Variants in NCKAP5 observed in about 807,000 individuals in gnomAD.
The protein encoded by NCKAP5 is NCK associated protein 5, also known as nck-associated protein 5.
Under a neutral mutation model 167.0 loss-of-function variants are expected in NCKAP5, and 92 were observed. That is an observed-to-expected ratio of 0.55 (90% confidence interval 0.47 to 0.66). The LOEUF (loss-of-function observed/expected upper bound fraction) is 0.66. NCKAP5 is among the 30% of genes least tolerant of loss of function. NCKAP5 has a pLI of 0.00. For synonymous variants in NCKAP5, 891 were observed against 877.4 expected (o/e 1.02, Z -0.27); for missense variants, 2,378 against 2,315.0 (o/e 1.03, Z -0.56).
intron 3 of NCKAP5, among the ~76,000 whole-genome samples, chr2:133,362,257 G>C (rs552114873): frequency 3.9e-5 from 6 of 152,150 alleles, no homozygotes; most frequent in Non-Finnish European, 7.3e-5. Flanking sequence ...AAAAGAAGAG[G>C]AAAACATGAA....
At chr2:132,861,853 G>C (rs977028602) in intron 10 of NCKAP5, among the ~76,000 whole-genome samples, 1 of 152,148 alleles carries the variant, frequency 6.6e-6, no homozygotes, top group African/African-American at 2.4e-5. Context: ...CACCAGACAA[G>C]CTCAAGAAGA....
In NCKAP5 at chr2:132,858,472, G is replaced by C. The variant is rs374916349; in HGVS notation, c.807+2020C>G. On this transcript the variant is annotated intron_variant, in intron 11 of 19. Coordinates refer to ENST00000409261, the MANE Select transcript of NCKAP5 (RefSeq NM_207363.3). ...GGAATGATTGTATTTTAGCTCCACT[G>C]TATATATTTTGTTTCTCAAACCCTA... Among the ~76,000 whole-genome samples the C allele has an allele frequency of 3.8e-4, 58 of 152,308 alleles. No individual in the cohort carries two copies. In the East Asian group the frequency reaches 5.2e-3, roughly 14 times the overall value.
the NCKAP5 span, among the ~76,000 whole-genome samples, chr2:133,611,921 T>A: frequency 1.3e-5 from 2 of 152,210 alleles, no homozygotes; most frequent in East Asian, 3.8e-4. Context: ...AATATGGATG[T>A]ACTTTGGACC....
At position 133,524,774 on chromosome 2, in the gene NCKAP5, C is replaced by T. The variant is rs558657042; in HGVS notation, c.-61-7187G>A. 3.3e-5 allele frequency among the ~76,000 whole-genome samples: 5 copies of T among 152,312 alleles called. No individual in the cohort carries two copies. In the South Asian group the frequency reaches 8.3e-4, roughly 25 times the overall value. On this transcript the variant is annotated intron_variant, in intron 2 of 19. Coordinates refer to ENST00000409261, the MANE Select transcript of NCKAP5 (RefSeq NM_207363.3). ...ACTGGCTTTCTGTATGCTTTAAACA[C>T]GTACCTACAGCAGTCTCATTTTGGA...
At chr2:132,854,190 C>T (rs1020076676) in intron 11 of NCKAP5, among the ~76,000 whole-genome samples, 1 of 152,202 alleles carries the variant, frequency 6.6e-6, no homozygotes, top group Non-Finnish European at 1.5e-5. Context: ...TTATAACAGA[C>T]CACATACACC....
At chr2:132,909,103 T>C (rs1389437743) in intron 8 of NCKAP5, among the ~76,000 whole-genome samples, 1 of 152,162 alleles carries the variant, frequency 6.6e-6, no homozygotes, top group Admixed American at 6.5e-5. Context: ...TCCCAGCACA[T>C]TGGGAGGCCA....
In NCKAP5 at chr2:132,785,736, A is replaced by C; in HGVS notation, c.1093-18T>G. On this transcript the variant is annotated intron_variant, in intron 13 of 19. Coordinates refer to ENST00000409261, the MANE Select transcript of NCKAP5 (RefSeq NM_207363.3). ...GATGATTGCTAGGAAAGAAAAGTAGACATCAGAAATGATTGAACCATGTAG... is the reference window on the plus strand; with the variant it reads ...GATGATTGCTAGGAAAGAAAAGTAGCCATCAGAAATGATTGAACCATGTAG... The C allele has an allele frequency of 6.8e-7, 1 of 1,477,786 alleles. No homozygotes were observed. The highest frequency in any genetic ancestry group is 9.0e-7 in the Non-Finnish European group (1 of 1,114,646). 91.5% of individuals were successfully genotyped at this position (1,477,786 alleles called of 1,614,324 possible). A position where few individuals can be genotyped will look rare whatever the true frequency, so the allele number is the denominator to read the frequency against.
intron 16 of NCKAP5, among the ~76,000 whole-genome samples, chr2:132,762,871 T>G (rs1681130744): frequency 6.6e-6 from 1 of 152,176 alleles, no homozygotes; most frequent in Admixed American, 6.5e-5. Flanking sequence ...AACAAACCAC[T>G]GGGGACTTTC....
chr2:133,142,453 A>G (rs532637778), intron 5 of NCKAP5, among the ~76,000 whole-genome samples: 1 of 152,276 alleles, frequency 6.6e-6, no homozygotes, highest in East Asian at 1.9e-4. Flanking sequence ...GGTCTTTTGC[A>G]TGCACTTTAT....
chr2:133,345,408 C>A (rs560903437), intron 3 of NCKAP5, among the ~76,000 whole-genome samples: 1 of 152,230 alleles, frequency 6.6e-6, no homozygotes, highest in African/African-American at 2.4e-5. Flanking sequence ...TACTTACTAA[C>A]AAACTAATAG....
intron 19 of NCKAP5, among the ~76,000 whole-genome samples, chr2:132,717,182 T>A (rs1382156360): frequency 6.6e-6 from 1 of 152,110 alleles, no homozygotes; most frequent in Non-Finnish European, 1.5e-5. Flanking sequence ...GGGAGACAAA[T>A]CCCTTGTGTC....
At chr2:133,502,817 A>G (rs1682646682) in intron 3 of NCKAP5, among the ~76,000 whole-genome samples, 1 of 152,238 alleles carries the variant, frequency 6.6e-6, no homozygotes, top group African/African-American at 2.4e-5. Context: ...GCGTTCAATG[A>G]ACGTGTGATG....
At chr2:132,687,228 T>C (rs1481932834) in intron 19 of NCKAP5, among the ~76,000 whole-genome samples, 1 of 152,164 alleles carries the variant, frequency 6.6e-6, no homozygotes, top group East Asian at 1.9e-4. Flanking sequence ...AAGGACTAAG[T>C]AAGTCAAACC....
chr2:133,255,799 T>C (rs2088586794), intron 4 of NCKAP5, among the ~76,000 whole-genome samples: 1 of 152,216 alleles, frequency 6.6e-6, no homozygotes, highest in South Asian at 2.1e-4. Flanking sequence ...TAACATTCTG[T>C]CATCGGAAGT....
intron 4 of NCKAP5, among the ~76,000 whole-genome samples, chr2:133,248,492 G>A: frequency 6.6e-6 from 1 of 152,240 alleles, no homozygotes; most frequent in East Asian, 1.9e-4. Flanking sequence ...TATAACATGT[G>A]AGAGGATTTC....
At chr2:133,111,134 G>A (rs904637015) in intron 6 of NCKAP5, among the ~76,000 whole-genome samples, 3 of 152,094 alleles carry the variant, frequency 2.0e-5, no homozygotes, top group African/African-American at 7.2e-5. Context: ...TTCGAATTTT[G>A]GAGGTACACA....
intron 6 of NCKAP5, among the ~76,000 whole-genome samples, chr2:133,040,692 C>T (rs1236585155): frequency 6.6e-6 from 1 of 152,070 alleles, no homozygotes; most frequent in Non-Finnish European, 1.5e-5. Context: ...ATATTGCAAA[C>T]TTTTGAAAGA....
the NCKAP5 span, among the ~76,000 whole-genome samples, chr2:133,654,208 C>T: frequency 6.6e-6 from 1 of 151,822 alleles, no homozygotes; most frequent in East Asian, 1.9e-4. Flanking sequence ...ATGGTGAAAC[C>T]CCATCTCTAC....
intron 4 of NCKAP5, among the ~76,000 whole-genome samples, chr2:133,249,921 CT>C (rs142028270): frequency 0.1 from 15,691 of 151,680 alleles, 915 homozygotes; most frequent in South Asian, 0.15. Flanking sequence ...CAGCAATGTG[CT>C]TCTGAAGCAA....
Sources: allele counts gnomAD v4.1 joint callset (sites outside exome capture counted in the v4.1 genomes callset), GRCh38; gene constraint gnomAD v4.1.1; transcripts MANE v1.5; gene names NCBI Gene and HGNC (gene_info 2026-07-23, HGNC 2026-07-21).